LAMA3: variants seen among roughly 807,000 people sequenced by gnomAD.
The protein encoded by LAMA3 is laminin subunit alpha 3.
In LAMA3, 281 loss-of-function variants were observed where a neutral mutation model predicts 402.0. That is an observed-to-expected ratio of 0.70 (90% confidence interval 0.63 to 0.77). The LOEUF (loss-of-function observed/expected upper bound fraction) is 0.77, where lower values mean the gene tolerates loss of function less well. LAMA3 is among the 30% of genes least tolerant of loss of function. LAMA3 has a pLI of 0.00. For synonymous variants in LAMA3, 1,431 were observed against 1,558.4 expected (o/e 0.92, Z 1.93); for missense variants, 3,840 against 4,215.5 (o/e 0.91, Z 2.47).
intron 6 of LAMA3, among the ~76,000 whole-genome samples, chr18:23,755,627 C>T (rs2143635569): frequency 6.6e-6 from 1 of 152,304 alleles, no homozygotes; most frequent in Non-Finnish European, 1.5e-5. Context: ...ACCATGTTGA[C>T]CTTGCTGCAT....
At chr18:23,883,573 C>T (rs1295738465) in intron 40 of LAMA3, among the ~76,000 whole-genome samples, 1 of 152,168 alleles carries the variant, frequency 6.6e-6, no homozygotes, top group Non-Finnish European at 1.5e-5. Flanking sequence ...AGTCATGTGC[C>T]AAGTGTGGCT....
intron 2 of LAMA3, among the ~76,000 whole-genome samples, chr18:23,732,518 A>G (rs1164057583): frequency 1.3e-5 from 2 of 152,078 alleles, no homozygotes; most frequent in Non-Finnish European, 2.9e-5. Flanking sequence ...GGTGCTGCAA[A>G]ATCAGTCTGT....
intron 38 of LAMA3, among the ~76,000 whole-genome samples, chr18:23,874,592 G>A (rs139647381): frequency 2.0e-5 from 3 of 152,312 alleles, no homozygotes; most frequent in East Asian, 1.9e-4. Context: ...TTCCACTCCC[G>A]GAGCACATGA....
At chr18:23,796,017 T>G in intron 12 of LAMA3, 2 of 416,872 alleles carry the variant, frequency 4.8e-6, no homozygotes, top group Non-Finnish European at 9.5e-6. Flanking sequence ...CCCTCTACCA[T>G]GTGAGGACCC....
intron 17 of LAMA3, 102 bp from the exon 18 acceptor site, chr18:23,816,286 C>A: frequency 2.4e-6 from 2 of 837,472 alleles, no homozygotes; most frequent in Non-Finnish European, 4.0e-6. Context: ...AAGGCAGGCA[C>A]TGTGTCACTG....
intron 18 of LAMA3, among the ~76,000 whole-genome samples, chr18:23,819,047 G>A (rs189608787): frequency 1.5e-4 from 23 of 152,276 alleles, no homozygotes; most frequent in African/African-American, 5.5e-4. Flanking sequence ...ATTGCTTCCA[G>A]AAAAGTTGTA....
At chr18:23,801,601 GT>G (rs1248007750) in intron 12 of LAMA3, among the ~76,000 whole-genome samples, 2 of 152,132 alleles carry the variant, frequency 1.3e-5, no homozygotes, top group East Asian at 1.9e-4. Context: ...TCTACTTTTA[GT>G]TTTTAAAGAA....
chr18:23,941,452 A>AT (rs1430259384), intron 68 of LAMA3, among the ~76,000 whole-genome samples: 3 of 152,222 alleles, frequency 2.0e-5, no homozygotes, highest in African/African-American at 7.2e-5. Context: ...AAAAAGTAAC[A>AT]TTTTAAAAGG....
Position 23,758,418 on chromosome 18 carries a change from C to T in LAMA3, c.970C>T (p.His324Tyr). Residue 324 changes from histidine to tyrosine, a missense_variant, in exon 7 of 75, where the codon CAC becomes TAC. Around this residue, in one of 3 missense-constraint regions of LAMA3, gnomAD observed 2,109 missense variants for 2,376.0 expected, o/e 0.89. Coordinates refer to ENST00000313654, the MANE Select transcript of LAMA3 (RefSeq NM_198129.4). Reference protein sequence around the residue: ...EKLFRCECQHHTCGETCDRCC... With the variant: ...EKLFRCECQHYTCGETCDRCC... Reference sequence around the variant, plus strand: ...CAGGTTTCGGTGTGAATGCCAGCACCACACCTGTGGGGAGACGTGTGATCG... The same window carrying T: ...CAGGTTTCGGTGTGAATGCCAGCACTACACCTGTGGGGAGACGTGTGATCG... The T allele has an allele frequency of 6.2e-7, 1 of 1,614,122 alleles. No individual in the cohort carries two copies. Among genetic ancestry groups the T allele is most frequent in the Non-Finnish European group, 8.5e-7 (1 of 1,179,984 alleles).
At chr18:23,712,171 A>T (rs2061002472) in intron 1 of LAMA3, among the ~76,000 whole-genome samples, 1 of 152,088 alleles carries the variant, frequency 6.6e-6, no homozygotes, top group Non-Finnish European at 1.5e-5. Flanking sequence ...ACCTGAGGTC[A>T]GGAGTTCAAG....
chr18:23,952,986 C>G lies in LAMA3; in HGVS notation c.9737-4C>G. ...GATAGACCTAACCAGCCTCCTTTCC[C>G]CAGTCACCATAAAACAACACATCCT... is the stretch of plus-strand genomic sequence containing the variant. On this transcript the variant is annotated splice_region_variant and splice_polypyrimidine_tract_variant and intron_variant, in intron 73 of 74. Transcript: ENST00000313654. 6.2e-7 allele frequency: 1 copy of G among 1,614,000 alleles called. No homozygotes were observed. Among genetic ancestry groups the G allele is most frequent in the South Asian group, 1.1e-5 (1 of 91,052 alleles).
In LAMA3 at chr18:23,814,782, T is replaced by C. The variant is rs180807534; in HGVS notation, c.1888+280T>C. Among the ~76,000 whole-genome samples the C allele has an allele frequency of 9.3e-4, 141 of 152,372 alleles. 1 individual carries two copies. The highest frequency in any genetic ancestry group is 3.0e-3 in the African/African-American group (125 of 41,588). ...GTCCTTGTTTTTATAATTTACTTTT[T>C]CTGGTTTAATTTTAATTTTATGCTT... On this transcript the variant is annotated intron_variant, in intron 15 of 74. Coordinates refer to ENST00000313654, the MANE Select transcript of LAMA3 (RefSeq NM_198129.4).
intron 74 of LAMA3, among the ~76,000 whole-genome samples, chr18:23,953,326 T>TTTTTTTGTTTG (rs2082989295): frequency 3.7e-4 from 1 of 2,692 alleles, no homozygotes; most frequent in African/African-American, 1.1e-3. Context: ...TGTAATTTTG[T>TTTTTTTGTTTG]TTTTTTTTTT....
At chr18:23,801,218 T>C (rs1053231891) in intron 12 of LAMA3, among the ~76,000 whole-genome samples, 7 of 152,196 alleles carry the variant, frequency 4.6e-5, no homozygotes, top group Admixed American at 6.5e-5. Flanking sequence ...TTCTCACTTA[T>C]AAGTAGGAGC....
intron 5 of LAMA3, among the ~76,000 whole-genome samples, chr18:23,752,487 A>C (rs1436144734): frequency 1.3e-5 from 2 of 152,100 alleles, no homozygotes; most frequent in Non-Finnish European, 2.9e-5. Context: ...TGCTTCTTTC[A>C]TGGAGGAATA....
chr18:23,794,615 C>T (rs1394887091), intron 12 of LAMA3, among the ~76,000 whole-genome samples: 5 of 152,162 alleles, frequency 3.3e-5, no homozygotes, highest in African/African-American at 1.2e-4. Context: ...TTTCTGTTCT[C>T]TTACCTAAGA....
chr18:23,740,513 C>T (rs1267053000), intron 2 of LAMA3, among the ~76,000 whole-genome samples: 1 of 152,020 alleles, frequency 6.6e-6, no homozygotes, highest in Non-Finnish European at 1.5e-5. Flanking sequence ...ATTTCTCAGG[C>T]TCCTGTGGTT....
At chr18:23,816,624 G>A in intron 18 of LAMA3, 137 bp downstream of exon 18, 1 of 734,094 alleles carries the variant, frequency 1.4e-6, no homozygotes, top group South Asian at 1.5e-5. Context: ...TATGTCAATT[G>A]AAATCTGGAC....
At chr18:23,735,401 G>C (rs566487668) in intron 2 of LAMA3, among the ~76,000 whole-genome samples, 1 of 152,356 alleles carries the variant, frequency 6.6e-6, no homozygotes, top group South Asian at 2.1e-4. Context: ...GAGTTGTAGA[G>C]CTATGCGTGT....
Sources: gnomAD v4.1 joint callset for allele counts (sites outside exome capture counted in the v4.1 genomes callset) on GRCh38, gnomAD v4.1.1 for gene constraint, gnomAD v4.1.1 regional missense constraint, MANE v1.5 for transcripts, NCBI Gene and HGNC (gene_info 2026-07-23, HGNC 2026-07-21) for gene names.